PTPRT: variants seen among roughly 807,000 people sequenced by gnomAD.
The protein encoded by PTPRT is protein tyrosine phosphatase receptor type T.
In PTPRT, 56 loss-of-function variants were observed where a neutral mutation model predicts 176.8. That is an observed-to-expected ratio of 0.32 (90% confidence interval 0.26 to 0.40). The LOEUF is 0.40. Among genes scored for constraint, PTPRT ranks in the 10% least tolerant of loss-of-function variants. The pLI is 1.00. For missense variants in PTPRT, 1,540 were observed against 1,908.2 expected (o/e 0.81, Z 3.60); for synonymous variants, 783 against 739.0 (o/e 1.06, Z -0.96).
chr20:42,896,222 A>G (rs1251418210), intron 1 of PTPRT, among the ~76,000 whole-genome samples: 1 of 152,142 alleles, frequency 6.6e-6, no homozygotes, highest in African/African-American at 2.4e-5. Flanking sequence ...GACTCCAATC[A>G]TGGGTTTGTT....
At chr20:42,266,296 G>T (rs980707596) in intron 13 of PTPRT, among the ~76,000 whole-genome samples, 55 of 152,246 alleles carry the variant, frequency 3.6e-4, no homozygotes, top group African/African-American at 1.2e-3. Context: ...TGGGCATGGG[G>T]CATGGCCAAG....
chr20:42,533,978 CCT>C (rs2072430780), intron 7 of PTPRT, among the ~76,000 whole-genome samples: 1 of 151,336 alleles, frequency 6.6e-6, no homozygotes, highest in Non-Finnish European at 1.5e-5. Flanking sequence ...CTGCAGCTGC[CCT>C]CTCTCTGTCC....
rs564092317 is a variant in PTPRT at position 42,659,027 on chromosome 20, T to C, written c.1153+18839A>G. Among the ~76,000 whole-genome samples the C allele has an allele frequency of 5.1e-4, 77 of 152,318 alleles. 1 individual carries two copies. Among genetic ancestry groups the C allele is most frequent in the African/African-American group, 1.7e-3 (72 of 41,574 alleles). ...TATAATCTCCATGTGGTGGGGTTCATGGTTTCTTTTTACATCCTTTTTTAG... is the reference window on the plus strand; with the variant it reads ...TATAATCTCCATGTGGTGGGGTTCACGGTTTCTTTTTACATCCTTTTTTAG... On this transcript the variant is annotated intron_variant, in intron 7 of 30. Coordinates refer to ENST00000373187, the MANE Select transcript of PTPRT (RefSeq NM_007050.6).
At chr20:42,567,963 C>CT (rs199944541) in intron 7 of PTPRT, among the ~76,000 whole-genome samples, 1,675 of 148,760 alleles carry the variant, frequency 0.011, 14 homozygotes, top group Non-Finnish European at 0.018. Flanking sequence ...TGTGGGTTTG[C>CT]TTTTTTTTGC....
intron 7 of PTPRT, among the ~76,000 whole-genome samples, chr20:42,590,186 C>T (rs2073544442): frequency 6.6e-6 from 1 of 152,110 alleles, no homozygotes; most frequent in African/African-American, 2.4e-5. Context: ...GTTGAGGCCC[C>T]CAGGTGGCAG....
chr20:42,690,534 G>A (rs1299441562), intron 6 of PTPRT, among the ~76,000 whole-genome samples: 3 of 152,198 alleles, frequency 2.0e-5, no homozygotes, highest in Non-Finnish European at 1.5e-5. Context: ...TACAAAGCTA[G>A]TGTTCAACAT....
chr20:42,877,337 C>A (rs1189212144), intron 2 of PTPRT, among the ~76,000 whole-genome samples: 1 of 152,114 alleles, frequency 6.6e-6, no homozygotes, highest in Admixed American at 6.5e-5. Flanking sequence ...TCCAGGTTAC[C>A]TATTCAGCCA....
intron 9 of PTPRT, among the ~76,000 whole-genome samples, chr20:42,362,913 C>T (rs1053891895): frequency 2.0e-5 from 3 of 151,750 alleles, no homozygotes; most frequent in African/African-American, 7.3e-5. Context: ...CGAGACCAGC[C>T]TGGTCAACAT....
intron 16 of PTPRT, among the ~76,000 whole-genome samples, chr20:42,173,824 A>G (rs1320963400): frequency 3.3e-5 from 5 of 152,192 alleles, no homozygotes. Context: ...CCTTTTTGGT[A>G]ACATGTAGGT....
rs371874436 is a variant in PTPRT at position 42,471,219 on chromosome 20, T to C, written c.1450+1047A>G. Reference sequence around the variant, plus strand: ...TTCCAAATTCAACATGTTTAAACAATGTGATACATGTTTTATCTTTCTGGA... The same window carrying C: ...TTCCAAATTCAACATGTTTAAACAACGTGATACATGTTTTATCTTTCTGGA... On this transcript the variant is annotated intron_variant, in intron 8 of 30. Transcript: ENST00000373187. Among the ~76,000 whole-genome samples the C allele has an allele frequency of 2.6e-5, 4 of 152,216 alleles. No individual in the cohort carries two copies. The South Asian group carries it at 8.3e-4, about 31-fold the overall frequency.
rs1555829307 is a variant in PTPRT at position 42,345,366 on chromosome 20, T to TACATAC, written c.1865+5261_1865+5262insGTATGT. Among the ~76,000 whole-genome samples, 135 of 134,098 alleles carry TACATAC rather than the reference T, an allele frequency of 1.0e-3. 1 individual carries two copies. The highest frequency in any genetic ancestry group is 3.7e-3 in the African/African-American group (129 of 35,182). The allele number at this position is 134,098 out of a possible 152,430, so 88.0% of individuals were successfully genotyped here. A position where few individuals can be genotyped will look rare whatever the true frequency, so the allele number is the denominator to read the frequency against. On this transcript the variant is annotated intron_variant, in intron 11 of 30. Transcript: ENST00000373187. ...AATAAGAGGTAGCTGAAGGCATATA[T>TACATAC]ACACACACACACACACACACACACA...
chr20:42,209,245 G>T (rs975445638), intron 15 of PTPRT, among the ~76,000 whole-genome samples: 1 of 152,014 alleles, frequency 6.6e-6, no homozygotes, highest in Non-Finnish European at 1.5e-5. Flanking sequence ...AACTAGAAAA[G>T]CAAGAGCAAA....
intron 13 of PTPRT, among the ~76,000 whole-genome samples, chr20:42,265,498 C>A (rs1180274614): frequency 6.6e-6 from 1 of 152,154 alleles, no homozygotes; most frequent in Non-Finnish European, 1.5e-5. Flanking sequence ...TTATATTTTT[C>A]TTTTCATCGT....
intron 8 of PTPRT, among the ~76,000 whole-genome samples, chr20:42,457,643 A>C (rs1321420962): frequency 6.6e-6 from 1 of 152,182 alleles, no homozygotes; most frequent in Non-Finnish European, 1.5e-5. Context: ...AGATATATTC[A>C]TACATTACTT....
rs1331913762 is a variant in PTPRT, at chr20:42,509,000, A to C, written c.1154-36438T>G. ...TATAATTTATATTTAATTTATAGAT[A>C]TAAATTATATAATTTATATTTAATT... On this transcript the variant is annotated intron_variant, in intron 7 of 30. Transcript: ENST00000373187. Among the ~76,000 whole-genome samples, 4 of 117,706 alleles carry C rather than the reference A, an allele frequency of 3.4e-5. 1 individual carries two copies. The highest frequency in any genetic ancestry group is 1.0e-4 in the Admixed American group (1 of 9,800). The allele number at this position is 117,706 out of a possible 152,430, so 77.2% of individuals were successfully genotyped here.
rs188050470 is a variant in PTPRT, at chr20:43,026,555, G to A, written c.89-140623C>T. Among the ~76,000 whole-genome samples the A allele has an allele frequency of 5.8e-4, 89 of 152,192 alleles. 1 individual carries two copies. The East Asian group carries it at 0.016, about 27-fold the overall frequency. Reference sequence around the variant, plus strand: ...ACCATAATAATCATAATCTTAAGTGGGGTATCTACTGCCTCAAGCATTTAG... The same window carrying A: ...ACCATAATAATCATAATCTTAAGTGAGGTATCTACTGCCTCAAGCATTTAG... On this transcript the variant is annotated intron_variant, in intron 1 of 30. Coordinates refer to ENST00000373187, the MANE Select transcript of PTPRT (RefSeq NM_007050.6).
chr20:42,451,209 T>A (rs1162206488), intron 8 of PTPRT, among the ~76,000 whole-genome samples: 1 of 152,118 alleles, frequency 6.6e-6, no homozygotes, highest in African/African-American at 2.4e-5. Flanking sequence ...ACATGGAAGA[T>A]CAATGACTTG....
intron 8 of PTPRT, among the ~76,000 whole-genome samples, chr20:42,450,880 A>AT (rs562701547): frequency 1.4e-3 from 217 of 152,312 alleles, no homozygotes; most frequent in African/African-American, 4.8e-3. Context: ...AATTCATTAC[A>AT]TTTTTTTAAT....
chr20:42,784,990 A>C (rs1000384849), intron 3 of PTPRT, among the ~76,000 whole-genome samples: 1 of 152,204 alleles, frequency 6.6e-6, no homozygotes, highest in African/African-American at 2.4e-5. Flanking sequence ...AAAATTGCTG[A>C]AAGAATAGAT....
Sources: gnomAD v4.1 joint callset for allele counts (sites outside exome capture counted in the v4.1 genomes callset) on GRCh38, gnomAD v4.1.1 for gene constraint, MANE v1.5 for transcripts, NCBI Gene and HGNC (gene_info 2026-07-23, HGNC 2026-07-21) for gene names.